Variants in MAL2 observed in about 807,000 individuals in gnomAD.
MAL2 encodes mal, T cell differentiation protein 2, also known as protein MAL2.
A neutral mutation model predicts 18.1 loss-of-function variants in MAL2; 17 were observed. The observed-to-expected ratio is 0.94, with a 90% CI of 0.64 to 1.41. The LOEUF (loss-of-function observed/expected upper bound fraction) is 1.41. Ranked by LOEUF, MAL2 falls within the 40% of genes most tolerant of loss-of-function variation. The probability of loss-of-function intolerance (pLI) is 0.00; values close to 1 mark genes in which losing one functional copy is unlikely to be tolerated. For synonymous variants in MAL2, 102 were observed against 102.3 expected (o/e 1.00, Z 0.02); for missense variants, 222 against 231.9 (o/e 0.96, Z 0.28).
At chr8:119,233,082 T>C (rs936470932) in intron 2 of MAL2, among the ~76,000 whole-genome samples, 1 of 152,106 alleles carries the variant, frequency 6.6e-6, no homozygotes, top group Admixed American at 6.5e-5. Flanking sequence ...GTTGGGTACA[T>C]AACAAAATGA....
intron 2 of MAL2, chr8:119,223,929 T>C (rs1343934383): frequency 6.6e-6 from 1 of 152,194 alleles, no homozygotes; most frequent in Non-Finnish European, 1.5e-5. Context: ...TTGTCACAAG[T>C]TGGTAACAAT....
chr8:119,229,637 A>G (rs1335713495), intron 2 of MAL2, among the ~76,000 whole-genome samples: 1 of 152,096 alleles, frequency 6.6e-6, no homozygotes, highest in Admixed American at 6.5e-5. Flanking sequence ...TTCTGAGCAA[A>G]GTGTGTAACA....
chr8:119,235,455 A>T (rs1467508893), intron 2 of MAL2, among the ~76,000 whole-genome samples: 5 of 151,980 alleles, frequency 3.3e-5, no homozygotes, highest in Non-Finnish European at 7.4e-5. Flanking sequence ...GAATGCCACA[A>T]AGATACTCCT....
chr8:119,221,360 A>T, intron 1 of MAL2: 1 of 484,882 alleles, frequency 2.1e-6, no homozygotes, highest in South Asian at 3.7e-5. Flanking sequence ...CTGAAGATAC[A>T]GGTGTGGAGT....
intron 2 of MAL2, 116 bp downstream of exon 2, chr8:119,221,873 A>C: frequency 1.8e-6 from 2 of 1,104,318 alleles, no homozygotes; most frequent in Non-Finnish European, 2.5e-6. Flanking sequence ...GAAGCGGTCC[A>C]ACCACAGAGA....
chr8:119,227,460 T>C (rs190800660), intron 2 of MAL2, among the ~76,000 whole-genome samples: 1 of 152,276 alleles, frequency 6.6e-6, no homozygotes, highest in Admixed American at 6.5e-5. Context: ...CAGCCTGTCC[T>C]TTGAGAGTTT....
chr8:119,240,100 A>C, intron 2 of MAL2, 65 bp from the exon 3 acceptor site: 2 of 1,514,750 alleles, frequency 1.3e-6, no homozygotes, highest in Non-Finnish European at 1.8e-6. Context: ...AAACTTCATT[A>C]TTTAAAATAA....
intron 2 of MAL2, among the ~76,000 whole-genome samples, chr8:119,231,863 C>T (rs1356758147): frequency 6.6e-6 from 1 of 152,132 alleles, no homozygotes; most frequent in South Asian, 2.1e-4. Flanking sequence ...AAATCTTGAA[C>T]AGTTGAATTC....
intron 2 of MAL2, among the ~76,000 whole-genome samples, chr8:119,239,089 AC>A (rs1204698469): frequency 2.6e-5 from 4 of 152,184 alleles, no homozygotes; most frequent in Admixed American, 1.3e-4. Flanking sequence ...AGAAAAAAAA[AC>A]AACCCCATCA....
At chr8:119,228,319 C>A (rs954164698) in intron 2 of MAL2, among the ~76,000 whole-genome samples, 2 of 151,938 alleles carry the variant, frequency 1.3e-5, no homozygotes, top group African/African-American at 4.8e-5. Flanking sequence ...GGACAAGGAC[C>A]CCTGACCATG....
At chr8:119,242,747 A>G (rs1449302374) in intron 3 of MAL2, among the ~76,000 whole-genome samples, 4 of 152,138 alleles carry the variant, frequency 2.6e-5, no homozygotes, top group Non-Finnish European at 5.9e-5. Context: ...AACATTTATC[A>G]TGTTGAACTG....
intron 2 of MAL2, among the ~76,000 whole-genome samples, chr8:119,228,279 T>C (rs1028353166): frequency 2.6e-5 from 4 of 152,110 alleles, no homozygotes; most frequent in African/African-American, 9.7e-5. Context: ...AATGGGACCA[T>C]TGCTGTATCC....
At chr8:119,242,948 A>T (rs932978083) in intron 3 of MAL2, among the ~76,000 whole-genome samples, 1 of 152,240 alleles carries the variant, frequency 6.6e-6, no homozygotes, top group African/African-American at 2.4e-5. Context: ...AGCCAACCTG[A>T]TAATTCATTT....
chr8:119,211,047 G>A (rs1453965373), intron 1 of MAL2, among the ~76,000 whole-genome samples: 1 of 152,166 alleles, frequency 6.6e-6, no homozygotes, highest in African/African-American at 2.4e-5. Context: ...AGAGATCAAA[G>A]CTGGCTTGTT....
At chr8:119,239,739 G>A (rs997016362) in intron 2 of MAL2, among the ~76,000 whole-genome samples, 18 of 149,232 alleles carry the variant, frequency 1.2e-4, no homozygotes, top group Admixed American at 5.9e-4. Context: ...ATGGACACAG[G>A]AAGGGGAACA....
Position 119,208,620 on chromosome 8 carries a change from G to A in MAL2, c.132+16G>A, listed in dbSNP as rs982833842. On this transcript the variant is annotated intron_variant, in intron 1 of 3. Coordinates refer to ENST00000614891, the MANE Select transcript of MAL2 (RefSeq NM_052886.3). This position sits in a 1 kb window ranked among gnomAD's most constrained non-coding sequence, Gnocchi z 4.3. ...CCTGGAGATTGTAAGTGGGGCCGCC[G>A]GAGCGAGGGTCGCGCGGGGAGCGAG... 1.1e-5 allele frequency: 14 copies of A among 1,303,320 alleles called. No individual in the cohort carries two copies. The Admixed American group carries it at 3.4e-4, about 31-fold the overall frequency. The allele number at this position is 1,303,320 out of a possible 1,614,324, so 80.7% of individuals were successfully genotyped here. A position where few individuals can be genotyped will look rare whatever the true frequency, so the allele number is the denominator to read the frequency against.
At chr8:119,234,882 A>G (rs1817841587) in intron 2 of MAL2, among the ~76,000 whole-genome samples, 1 of 152,096 alleles carries the variant, frequency 6.6e-6, no homozygotes, top group Non-Finnish European at 1.5e-5. Flanking sequence ...AAAAACTGGA[A>G]ACTCTAAAAC....
intron 2 of MAL2, chr8:119,223,665 G>A (rs1330597864): frequency 6.6e-6 from 1 of 152,246 alleles, no homozygotes; most frequent in African/African-American, 2.4e-5. Flanking sequence ...TGAGGCAAAA[G>A]ATGGTAATAG....
At chr8:119,215,369 G>C (rs1817332862) in intron 1 of MAL2, 1 of 152,114 alleles carries the variant, frequency 6.6e-6, no homozygotes, top group Admixed American at 6.6e-5. Flanking sequence ...TTCTCTTTTG[G>C]AACCATTCAT....
Sources: gnomAD v4.1 joint callset for allele counts (sites outside exome capture counted in the v4.1 genomes callset) on GRCh38, gnomAD v4.1.1 for gene constraint, Gnocchi (gnomAD v3.1) non-coding constraint, MANE v1.5 for transcripts, NCBI Gene and HGNC (gene_info 2026-07-23, HGNC 2026-07-21) for gene names.